FHOD3: variants seen among roughly 807,000 people sequenced by gnomAD.
The protein encoded by FHOD3 is formin homology 2 domain containing 3.
A neutral mutation model predicts 173.0 loss-of-function variants in FHOD3; 90 were observed. The observed-to-expected ratio is 0.52, with a 90% CI of 0.44 to 0.62. FHOD3 has a LOEUF of 0.62. Among genes scored for constraint, FHOD3 ranks in the 20% least tolerant of loss-of-function variants. The pLI, the probability that FHOD3 is intolerant of heterozygous loss-of-function variation, is 0.00. For missense variants in FHOD3, 1,945 were observed against 2,034.7 expected, an observed-to-expected ratio of 0.96 and a Z score of 0.85; for synonymous variants, 828 against 823.0, an observed-to-expected ratio of 1.01 and a Z score of -0.10.
intron 14 of FHOD3, among the ~76,000 whole-genome samples, chr18:36,673,029 TGC>T (rs2037632329): frequency 6.6e-6 from 1 of 152,346 alleles, no homozygotes; most frequent in South Asian, 2.1e-4. Context: ...TTAGTCTATT[TGC>T]AGGTAATTAG....
chr18:36,454,512 T>A (rs1055762238), intron 3 of FHOD3, among the ~76,000 whole-genome samples: 16 of 151,058 alleles, frequency 1.1e-4, no homozygotes, highest in African/African-American at 4.0e-4. Context: ...TACATTTCCT[T>A]TCTTGTAGAA....
intron 3 of FHOD3, among the ~76,000 whole-genome samples, chr18:36,446,156 C>T (rs1424373861): frequency 6.6e-6 from 1 of 152,182 alleles, no homozygotes; most frequent in Non-Finnish European, 1.5e-5. Flanking sequence ...CCCCAAGGAG[C>T]GAGCAAGTGT....
intron 10 of FHOD3, among the ~76,000 whole-genome samples, chr18:36,627,289 T>C (rs560752533): frequency 2.0e-5 from 3 of 152,230 alleles, no homozygotes; most frequent in Admixed American, 2.0e-4. Flanking sequence ...ATGCTGAGGG[T>C]AGGAGTTAGG....
chr18:36,441,462 G>A (rs2051145307), intron 3 of FHOD3, among the ~76,000 whole-genome samples: 1 of 152,200 alleles, frequency 6.6e-6, no homozygotes, highest in Non-Finnish European at 1.5e-5. Flanking sequence ...TACAGGAAGT[G>A]TGACTGGAGA....
At chr18:36,421,502 G>A (rs1219493443) in intron 3 of FHOD3, among the ~76,000 whole-genome samples, 1 of 152,090 alleles carries the variant, frequency 6.6e-6, no homozygotes, top group Admixed American at 6.5e-5. Flanking sequence ...GCATATGATT[G>A]GTTTTTATGG....
chr18:36,306,931 G>A (rs879352809), intron 1 of FHOD3, among the ~76,000 whole-genome samples: 5 of 152,064 alleles, frequency 3.3e-5, no homozygotes, highest in African/African-American at 9.7e-5. Context: ...GTTGCCCTCC[G>A]GCCTTGGAGT....
intron 8 of FHOD3, among the ~76,000 whole-genome samples, chr18:36,603,957 G>A (rs2031747833): frequency 1.3e-5 from 2 of 152,300 alleles, no homozygotes; most frequent in South Asian, 4.1e-4. Flanking sequence ...AATCCTGGGG[G>A]TAGGTCCCAC....
intron 3 of FHOD3, among the ~76,000 whole-genome samples, chr18:36,462,757 T>C (rs908489042): frequency 3.3e-5 from 5 of 152,348 alleles, no homozygotes; most frequent in Admixed American, 3.3e-4. Context: ...CCTGTGTAGC[T>C]AGGGCTACTC....
At chr18:36,761,488 C>T (rs982389207) in intron 27 of FHOD3, among the ~76,000 whole-genome samples, 9 of 152,110 alleles carry the variant, frequency 5.9e-5, no homozygotes, top group African/African-American at 2.2e-4. Flanking sequence ...CTTGGAGGCC[C>T]CCTGTAGGCA....
Position 36,718,361 on chromosome 18 carries a change from A to ACCGGC in FHOD3, c.3065_3066insGGCCC (p.Pro1023AlafsTer47). 1 of 1,329,346 alleles carries ACCGGC rather than the reference A, an allele frequency of 7.5e-7. No individual in the cohort carries two copies. 82.3% of individuals were successfully genotyped at this position (1,329,346 alleles called of 1,614,324 possible). ...TGGGTCACAGGGAGGCCCCTGGGCC[A>ACCGGC]CCTCCCCCACCCCCACCCACCTTTC... is the stretch of plus-strand genomic sequence containing the variant. On this transcript the variant is annotated frameshift_variant, in exon 19 of 29. Transcript: ENST00000590592. LOFTEE classifies it high-confidence loss of function.
chr18:36,392,629 T>C (rs2048357592), intron 3 of FHOD3, among the ~76,000 whole-genome samples: 1 of 152,198 alleles, frequency 6.6e-6, no homozygotes, highest in Non-Finnish European at 1.5e-5. Flanking sequence ...ATGGCAAGAC[T>C]GTGTAGAGTG....
rs143169778 is a variant in FHOD3 at position 36,648,317 on chromosome 18, A to G, written c.1197-999A>G. On this transcript the variant is annotated intron_variant, in intron 10 of 28. Transcript: ENST00000590592. Reference sequence around the variant, plus strand: ...AGGTGGAGGTCACTGGAGTTCAGCAAGGCAAGGGATTGAGAAGCCCAGCAG... The same window carrying G: ...AGGTGGAGGTCACTGGAGTTCAGCAGGGCAAGGGATTGAGAAGCCCAGCAG... Among the ~76,000 whole-genome samples, 101 of 152,314 alleles carry G rather than the reference A, an allele frequency of 6.6e-4. 1 individual carries two copies. The highest frequency in any genetic ancestry group is 2.3e-3 in the African/African-American group (95 of 41,580).
intron 20 of FHOD3, among the ~76,000 whole-genome samples, chr18:36,738,144 T>C (rs150803160): frequency 6.6e-5 from 10 of 152,368 alleles, no homozygotes; most frequent in South Asian, 2.1e-4. Flanking sequence ...TTCATTCAAG[T>C]CATTGTACAT....
At chr18:36,657,796 C>T (rs530166626) in intron 13 of FHOD3, among the ~76,000 whole-genome samples, 9 of 152,106 alleles carry the variant, frequency 5.9e-5, no homozygotes, top group Admixed American at 3.3e-4. Context: ...ATAATTTTAA[C>T]GTACATTTTA....
intron 6 of FHOD3, among the ~76,000 whole-genome samples, chr18:36,579,839 G>A (rs1452549490): frequency 6.6e-6 from 1 of 151,600 alleles, no homozygotes. Context: ...CTTTATAGCA[G>A]CAAAAATAGA....
chr18:36,758,843 T>A (rs1024020918), intron 25 of FHOD3, among the ~76,000 whole-genome samples: 5 of 152,196 alleles, frequency 3.3e-5, no homozygotes, highest in African/African-American at 1.2e-4. Flanking sequence ...GTTAGCTGAC[T>A]GTTACCTCAG....
intron 2 of FHOD3, among the ~76,000 whole-genome samples, chr18:36,368,793 T>A (rs566981516): frequency 6.6e-6 from 1 of 151,384 alleles, no homozygotes; most frequent in Non-Finnish European, 1.5e-5. Flanking sequence ...TGAGAGTGAG[T>A]GAGAAAGCAA....
intron 5 of FHOD3, among the ~76,000 whole-genome samples, chr18:36,560,384 C>T (rs1054361479): frequency 9.2e-5 from 14 of 152,214 alleles, no homozygotes; most frequent in African/African-American, 3.4e-4. Context: ...GGTCAAATCA[C>T]TTGTACAACA....
chr18:36,653,316 T>C, intron 12 of FHOD3, 26 bp from the exon 13 acceptor site: 4 of 1,512,894 alleles, frequency 2.6e-6, no homozygotes, highest in Non-Finnish European at 3.5e-6. Context: ...TGCCACATTG[T>C]GAGCGGGCTT....
Sources: gnomAD v4.1 joint callset for allele counts (sites outside exome capture counted in the v4.1 genomes callset) on GRCh38, gnomAD v4.1.1 for gene constraint, MANE v1.5 for transcripts, NCBI Gene and HGNC (gene_info 2026-07-23, HGNC 2026-07-21) for gene names.